LYST: variants seen among roughly 807,000 people sequenced by gnomAD.
LYST encodes the protein lysosomal trafficking regulator.
A neutral mutation model predicts 413.6 loss-of-function variants in LYST; 192 were observed. The observed-to-expected ratio is 0.46, with a 90% confidence interval of 0.41 to 0.52. The LOEUF (loss-of-function observed/expected upper bound fraction) is 0.52. Ranked by LOEUF, LYST falls within the 20% of genes least tolerant of loss-of-function variation. The probability of loss-of-function intolerance (pLI) is 0.00; values close to 1 mark genes in which losing one functional copy is unlikely to be tolerated. For synonymous variants in LYST, 1,525 were observed against 1,567.3 expected, an observed-to-expected ratio of 0.97 and a Z score of 0.64; for missense variants, 3,815 against 4,499.9, an observed-to-expected ratio of 0.85 and a Z score of 4.35.
chr1:235,753,055 T>C lies in LYST; in HGVS notation c.7449A>G (p.Gly2483=), dbSNP rs758216210. ...AATTTTAAACTTACTTCTTTTCTAA[T>C]CCATTCAGGGCTGCTACTGTATTAC... ...VLCNTVAALN[G]LEKNIPMSEY... is the part of the protein sequence containing the mutation. The change falls in exon 26 of 53, where the codon GGA becomes GGG. Residue 2483 remains glycine (G), a synonymous_variant. Coordinates refer to ENST00000389793, the MANE Select transcript of LYST (RefSeq NM_000081.4). 1 of 1,523,052 alleles carries C rather than the reference T, an allele frequency of 6.6e-7. No homozygotes were observed. The highest frequency in any genetic ancestry group is 9.1e-7 in the Non-Finnish European group (1 of 1,098,136). The allele number at this position is 1,523,052 out of a possible 1,614,324, so 94.3% of individuals were successfully genotyped here. A position where few individuals can be genotyped will look rare whatever the true frequency, so the allele number is the denominator to read the frequency against.
intron 34 of LYST, 142 bp from the exon 35 acceptor site, chr1:235,731,319 G>T: frequency 1.3e-6 from 1 of 747,234 alleles, no homozygotes. Flanking sequence ...ATTTGATCAG[G>T]GAATGCATAT....
chr1:235,694,262 G>T (rs12060782), intron 46 of LYST, among the ~76,000 whole-genome samples: 2 of 151,742 alleles, frequency 1.3e-5, no homozygotes, highest in South Asian at 2.1e-4. Context: ...TGATCTGCCC[G>T]CCTCGGCCTC....
At chr1:235,724,247 A>C in intron 38 of LYST, 67 bp from the exon 39 acceptor site, 2 of 1,372,700 alleles carry the variant, frequency 1.5e-6, no homozygotes, top group Admixed American at 3.7e-5. Flanking sequence ...TTAATTTTAG[A>C]TTTTAAAAAG....
At position 235,702,914 on chromosome 1, in the gene LYST, T is replaced by C; in HGVS notation, c.10207A>G (p.Met3403Val). The C allele has an allele frequency of 6.2e-7, 1 of 1,614,190 alleles. No individual in the cohort carries two copies. The highest frequency in any genetic ancestry group is 8.5e-7 in the Non-Finnish European group (1 of 1,180,028). Reference protein sequence around the residue: ...DPVQRRALETMIKTYGQTPRQ... With the variant: ...DPVQRRALETVIKTYGQTPRQ... ...GGAGTCTGCCCGTAGGTTTTTATCA[T>C]GGTTTCTAGCGCTCGTCTCTGAACT... Residue 3403 changes from methionine (M) to valine (V), a missense_variant, in exon 45 of 53, where the codon ATG becomes GTG. This residue lies in a region of LYST where 866 missense variants were observed against 1,156.0 expected (regional missense o/e 0.75). Coordinates refer to ENST00000389793, the MANE Select transcript of LYST (RefSeq NM_000081.4).
chr1:235,790,630 T>A (rs1670882922), intron 12 of LYST, among the ~76,000 whole-genome samples: 1 of 152,192 alleles, frequency 6.6e-6, no homozygotes, highest in Non-Finnish European at 1.5e-5. Context: ...TCCATGTACA[T>A]ATAAAACCCT....
chr1:235,841,893 C>T (rs1342256201), intron 1 of LYST, among the ~76,000 whole-genome samples: 1 of 151,998 alleles, frequency 6.6e-6, no homozygotes, highest in African/African-American at 2.4e-5. Context: ...GGGCTAAAGG[C>T]TAAGTAATTT....
rs998880274 is a variant in LYST at position 235,686,865 on chromosome 1, T to G, written c.10800+84A>C. 3.4e-5 allele frequency: 34 copies of G among 1,000,512 alleles called. No homozygotes were observed. In the Admixed American group the frequency reaches 5.7e-4, roughly 17 times the overall value. The allele number at this position is 1,000,512 out of a possible 1,614,324, so 62.0% of individuals were successfully genotyped here. ...GTATAAACATTTTAAGTTAATCTTA[T>G]GCAAAGTGAATTATACTTCATAAAG... On this transcript the variant is annotated intron_variant, in intron 48 of 52. Coordinates refer to ENST00000389793, the MANE Select transcript of LYST (RefSeq NM_000081.4). The surrounding 1 kb of genome is among the most constrained non-coding windows in gnomAD (Gnocchi z 4.0).
At chr1:235,837,855 A>G (rs1676736849) in intron 1 of LYST, among the ~76,000 whole-genome samples, 1 of 151,986 alleles carries the variant, frequency 6.6e-6, no homozygotes, top group Admixed American at 6.6e-5. Flanking sequence ...AGGACATGAG[A>G]TAAGTGAGGT....
Position 235,755,569 on chromosome 1 carries a change from C to T in LYST, c.7138G>A (p.Ala2380Thr). ...FLKNRGFSLL[A>T]NQLYLHRGTQ... ...CCTCGATGAAGATACAACTGGTTGG[C>T]TAGCAAGGAAAATCCACGATTCTTC... Residue 2380 changes from alanine to threonine, a missense_variant, in exon 25 of 53, where the codon GCC becomes ACC. Transcript: ENST00000389793. The T allele has an allele frequency of 6.2e-7, 1 of 1,613,318 alleles. No homozygotes were observed. The highest frequency in any genetic ancestry group is 8.5e-7 in the Non-Finnish European group (1 of 1,179,292).
At chr1:235,813,197 C>G in intron 3 of LYST, 136 bp from the exon 4 acceptor site, 1 of 686,714 alleles carries the variant, frequency 1.5e-6, no homozygotes, top group Non-Finnish European at 2.7e-6. Context: ...TCAAATTAAC[C>G]TATCTTCAAT....
At chr1:235,778,104 T>TATATATATATTTTTGTAGAG (rs1222801010) in intron 16 of LYST, among the ~76,000 whole-genome samples, 6 of 144,496 alleles carry the variant, frequency 4.2e-5, no homozygotes, top group African/African-American at 1.6e-4. Flanking sequence ...GTTAAATATA[T>TATATATATATTTTTGTAGAG]ATATATATAT....
chr1:235,788,913 A>C lies in LYST; in HGVS notation c.4544-68T>G. 4 of 1,457,234 alleles carry C rather than the reference A, an allele frequency of 2.7e-6. No homozygotes were observed. In the South Asian group the frequency reaches 3.4e-5, roughly 13 times the overall value. 90.3% of individuals were successfully genotyped at this position (1,457,234 alleles called of 1,614,324 possible). ...AACAACTGAGTAGAAAAGTGAATTT[A>C]GAAGAATACAAAGCAAATTTGTTCA... On this transcript the variant is annotated intron_variant, in intron 12 of 52. Coordinates refer to ENST00000389793, the MANE Select transcript of LYST (RefSeq NM_000081.4).
At chr1:235,846,057 T>C (rs896307092) in intron 1 of LYST, among the ~76,000 whole-genome samples, 3 of 152,128 alleles carry the variant, frequency 2.0e-5, no homozygotes, top group African/African-American at 7.2e-5. Context: ...CATTAAAACA[T>C]GGCCAACCAG....
chr1:235,790,242 A>G (rs1670847942), intron 12 of LYST, among the ~76,000 whole-genome samples: 1 of 152,220 alleles, frequency 6.6e-6, no homozygotes, highest in African/African-American at 2.4e-5. Flanking sequence ...AGCAATCTGC[A>G]TAGCTTATAG....
chr1:235,814,670 T>C (rs998745631), intron 3 of LYST, among the ~76,000 whole-genome samples: 25 of 152,126 alleles, frequency 1.6e-4, no homozygotes, highest in African/African-American at 5.3e-4. Flanking sequence ...GTGATTTGAC[T>C]GCAACTCCAA....
intron 8 of LYST, among the ~76,000 whole-genome samples, chr1:235,802,107 T>C (rs930761950): frequency 1.4e-5 from 2 of 141,788 alleles, no homozygotes; most frequent in African/African-American, 5.3e-5. Context: ...GGTAGAAGAA[T>C]AGCTTGAACC....
intron 1 of LYST, among the ~76,000 whole-genome samples, chr1:235,882,057 T>TAC (rs138273484): frequency 0.062 from 8,754 of 141,564 alleles, 853 homozygotes; most frequent in African/African-American, 0.22. Context: ...CACTCACACA[T>TAC]ACACACACAC....
chr1:235,736,329 G>A (rs550114259), intron 31 of LYST: 1 of 152,284 alleles, frequency 6.6e-6, no homozygotes, highest in East Asian at 1.9e-4. Context: ...AGAAGGAAGA[G>A]TTCTGAGTAG....
intron 14 of LYST, among the ~76,000 whole-genome samples, chr1:235,782,345 T>A (rs1669954896): frequency 6.7e-6 from 1 of 148,654 alleles, no homozygotes; most frequent in African/African-American, 2.5e-5. Flanking sequence ...ATTTTTTGTA[T>A]TTTTTTTTTA....
Sources: allele counts gnomAD v4.1 joint callset (sites outside exome capture counted in the v4.1 genomes callset), GRCh38; gene constraint gnomAD v4.1.1; regional missense constraint gnomAD v4.1.1; non-coding constraint Gnocchi (gnomAD v3.1); transcripts MANE v1.5; gene names NCBI Gene and HGNC (gene_info 2026-07-23, HGNC 2026-07-21).